The following PDIA5 variants were observed in gnomAD, a reference collection of about 807,000 sequenced individuals.
The protein encoded by PDIA5 is protein disulfide-isomerase A5.
In PDIA5, 58 loss-of-function variants were observed where a neutral mutation model predicts 77.6. The observed-to-expected ratio is 0.75, with a 90% CI of 0.61 to 0.93. The LOEUF (loss-of-function observed/expected upper bound fraction) is 0.93. Ranked by LOEUF, PDIA5 falls within the 40% of genes least tolerant of loss-of-function variation. PDIA5 has a pLI of 0.00. For synonymous variants in PDIA5, 250 were observed against 252.1 expected (o/e 0.99, Z 0.08); for missense variants, 630 against 647.7 (o/e 0.97, Z 0.30).
chr3:123,113,531 G>A (rs1360142105), intron 7 of PDIA5, among the ~76,000 whole-genome samples: 3 of 152,214 alleles, frequency 2.0e-5, no homozygotes, highest in African/African-American at 4.8e-5. Flanking sequence ...AACTTTTGGT[G>A]GAGGGTCAGA....
intron 13 of PDIA5, among the ~76,000 whole-genome samples, chr3:123,149,288 A>G (rs2667455): frequency 0.64 from 97,036 of 152,160 alleles, 32,036 homozygotes; most frequent in East Asian, 0.83. Context: ...AGTTCTTCTC[A>G]GCCATGGAAA....
chr3:123,128,387 G>A (rs1421338251), intron 10 of PDIA5, among the ~76,000 whole-genome samples: 5 of 152,090 alleles, frequency 3.3e-5, no homozygotes, highest in East Asian at 1.9e-4. Context: ...CTTTCCTTCC[G>A]GTGCCTGTAC....
rs139643275 is a variant in PDIA5, at chr3:123,141,304, AGCCTCTCTTTCCT to A, written c.911-4210_911-4198del. Among the ~76,000 whole-genome samples the A allele has an allele frequency of 8.4e-3, 1,272 of 152,166 alleles. 11 individuals carry two copies. The highest frequency in any genetic ancestry group is 0.025 in the African/African-American group (1,038 of 41,516). ...AGGGTATGGGGAGAGTGGTCAAGGG[AGCCTCTCTTTCCT>A]GCCTCTCCCACCTCCCTGGAGGCCA... On this transcript the variant is annotated intron_variant, in intron 11 of 16. Transcript: ENST00000316218.
chr3:123,078,762 C>A (rs889796268), intron 1 of PDIA5, among the ~76,000 whole-genome samples: 1 of 152,172 alleles, frequency 6.6e-6, no homozygotes, highest in Non-Finnish European at 1.5e-5. Flanking sequence ...TGGAATAGTT[C>A]CTCAGTCTCT....
intron 8 of PDIA5, among the ~76,000 whole-genome samples, chr3:123,123,511 C>A (rs573342327): frequency 3.9e-5 from 6 of 152,180 alleles, no homozygotes; most frequent in Admixed American, 1.3e-4. Context: ...TTATGAGAAC[C>A]ACACGGCCTC....
Position 123,146,191 on chromosome 3 carries a change from T to A in PDIA5, c.1074T>A (p.Phe358Leu). The change falls in exon 13 of 17, where the codon TTT becomes TTA. Residue 358 changes from phenylalanine (F) to leucine (L), a missense_variant. By Grantham distance (22) the Phe-to-Leu change is conservative (BLOSUM62 0). Coordinates refer to ENST00000316218, the MANE Select transcript of PDIA5 (RefSeq NM_006810.4). ...CAGAGTTTCCTACGTTGAAGTATTT[T>A]AAGAATGGAGAGAAATACGCAGTGC... ...HISEFPTLKYFKNGEKYAVPV... is the reference protein window; with the variant it reads ...HISEFPTLKYLKNGEKYAVPV... 1 of 1,613,992 alleles carries A rather than the reference T, an allele frequency of 6.2e-7. No homozygotes were observed. The highest frequency in any genetic ancestry group is 8.5e-7 in the Non-Finnish European group (1 of 1,179,842).
In PDIA5 at chr3:123,092,379, G is replaced by T; in HGVS notation, c.194G>T (p.Arg65Met). The T allele has an allele frequency of 6.2e-7, 1 of 1,613,728 alleles. No individual in the cohort carries two copies. The highest frequency in any genetic ancestry group is 8.5e-7 in the Non-Finnish European group (1 of 1,179,790). Residue 65 changes from arginine (R) to methionine (M), a missense_variant, in exon 3 of 17, where the codon AGG (arginine) becomes ATG (methionine). Coordinates refer to ENST00000316218, the MANE Select transcript of PDIA5 (RefSeq NM_006810.4). ...KSEVAAENHLRLLSTVAQAVK... is the reference protein window; with the variant it reads ...KSEVAAENHLMLLSTVAQAVK... ...GAGGTGGCAGCTGAAAATCATCTCA[G>T]GTTACTGTCCACAGTGGCCCAGGCG...
At chr3:123,104,639 G>A (rs1934687590) in intron 5 of PDIA5, among the ~76,000 whole-genome samples, 1 of 152,238 alleles carries the variant, frequency 6.6e-6, no homozygotes, top group African/African-American at 2.4e-5. Flanking sequence ...CTCGAAGTGG[G>A]GAATGTCCCC....
Position 123,146,240 on chromosome 3 carries a change from T to G in PDIA5, c.1123T>G (p.Phe375Val). The change falls in exon 13 of 17, where the codon TTT becomes GTT. Residue 375 changes from phenylalanine to valine, a missense_variant. By Grantham distance (50) the Phe-to-Val change is conservative. Transcript: ENST00000316218. ...AVPVLRTKKK[F>V]LEWMQNPEAP... ...GCCTGTGCTCAGGACAAAGAAGAAG[T>G]TTCTCGAGTGGATGCAAAAGTAAGT... 6.2e-7 allele frequency: 1 copy of G among 1,613,944 alleles called. No homozygotes were observed. Among genetic ancestry groups the G allele is most frequent in the East Asian group, 2.2e-5 (1 of 44,886 alleles).
chr3:123,096,833 G>A (rs539667113), intron 3 of PDIA5, among the ~76,000 whole-genome samples: 11 of 152,182 alleles, frequency 7.2e-5, no homozygotes, highest in South Asian at 2.1e-4. Context: ...TATTCCCCTC[G>A]TGCCCTGCCA....
At chr3:123,081,346 T>G (rs1663943156) in intron 1 of PDIA5, among the ~76,000 whole-genome samples, 1 of 152,154 alleles carries the variant, frequency 6.6e-6, no homozygotes, top group South Asian at 2.1e-4. Flanking sequence ...GCACAAAACT[T>G]GAGCTTCTGA....
chr3:123,108,677 G>A (rs1427738837), intron 6 of PDIA5, among the ~76,000 whole-genome samples: 1 of 151,238 alleles, frequency 6.6e-6, no homozygotes, highest in East Asian at 2.0e-4. Context: ...CACAAGGTCA[G>A]GAGTTTGAGA....
Position 123,089,183 on chromosome 3 carries a change from TGGCTGTCCTCTGCAAA to T in PDIA5, c.61_76del (p.Leu21SerfsTer14). The T allele has an allele frequency of 6.2e-7, 1 of 1,613,936 alleles. No individual in the cohort carries two copies. Among genetic ancestry groups the T allele is most frequent in the African/African-American group, 1.3e-5 (1 of 75,042 alleles). ...TGATCCCCAGGTGGTCCTGCCATCATGGCTGTCCTCTGCAAAGGTCTCCTCGCTCATTGAGAGAATC... is the reference window on the plus strand; with the variant it reads ...TGATCCCCAGGTGGTCCTGCCATCATGGTCTCCTCGCTCATTGAGAGAATC... On this transcript the variant is annotated frameshift_variant, in exon 2 of 17. Transcript: ENST00000316218. LOFTEE classifies it high-confidence loss of function.
intron 11 of PDIA5, among the ~76,000 whole-genome samples, chr3:123,140,324 G>C (rs1478225458): frequency 6.6e-6 from 1 of 152,162 alleles, no homozygotes; most frequent in Non-Finnish European, 1.5e-5. Flanking sequence ...ATCTACCTGT[G>C]ATAGGAAGCC....
chr3:123,120,415 A>AC (rs1333784871), intron 8 of PDIA5, among the ~76,000 whole-genome samples: 1 of 152,152 alleles, frequency 6.6e-6, no homozygotes, highest in Non-Finnish European at 1.5e-5. Context: ...GAAGCCCTGT[A>AC]CCCCACAGAG....
At position 123,123,969 on chromosome 3, in the gene PDIA5, G is replaced by A. The variant is rs1333044989; in HGVS notation, c.610-97G>A. On this transcript the variant is annotated intron_variant, in intron 8 of 16. Transcript: ENST00000316218. ...CAGTCTGTGGGGCTTTGTCCCATATGTCTTTCTGGTGGGACAGCAGCTGGA... is the reference window on the plus strand; with the variant it reads ...CAGTCTGTGGGGCTTTGTCCCATATATCTTTCTGGTGGGACAGCAGCTGGA... 4 of 799,432 alleles carry A rather than the reference G, an allele frequency of 5.0e-6. No individual in the cohort carries two copies. In the African/African-American group the frequency reaches 5.0e-5, roughly 10 times the overall value. The allele number at this position is 799,432 out of a possible 1,614,324, so 49.5% of individuals were successfully genotyped here.
In PDIA5 at chr3:123,161,386, C is replaced by G; in HGVS notation, c.1410C>G (p.Val470=). The change falls in exon 16 of 17, where the codon GTC becomes GTG. Residue 470 remains valine, a synonymous_variant. Coordinates refer to ENST00000316218, the MANE Select transcript of PDIA5 (RefSeq NM_006810.4). The part of the protein sequence containing the change: ...KNQDLCQQEA[V]KGYPTFHYYH... ...AAGACCTGTGCCAGCAGGAGGCGGT[C>G]AAGGGCTACCCCACTTTCCACTACT... The G allele has an allele frequency of 3.7e-6, 6 of 1,614,156 alleles. No individual in the cohort carries two copies. The highest frequency in any genetic ancestry group is 5.1e-6 in the Non-Finnish European group (6 of 1,180,000).
chr3:123,076,798 G>A (rs567162038), intron 1 of PDIA5, among the ~76,000 whole-genome samples: 58 of 152,318 alleles, frequency 3.8e-4, no homozygotes, highest in Non-Finnish European at 7.1e-4. Flanking sequence ...CCAAGCTGGC[G>A]GTGATCCAGA....
chr3:123,151,189 C>T (rs1348024899), intron 14 of PDIA5, among the ~76,000 whole-genome samples: 1 of 152,210 alleles, frequency 6.6e-6, no homozygotes, highest in African/African-American at 2.4e-5. Flanking sequence ...GCCACAGCCT[C>T]AGCCCCTCCT....
Sources: allele counts gnomAD v4.1 joint callset (sites outside exome capture counted in the v4.1 genomes callset), GRCh38; gene constraint gnomAD v4.1.1; transcripts MANE v1.5; gene names NCBI Gene and HGNC (gene_info 2026-07-23, HGNC 2026-07-21).